TOP1MT: variants seen among roughly 807,000 people sequenced by gnomAD.
TOP1MT encodes DNA topoisomerase I mitochondrial.
In TOP1MT, 80 loss-of-function variants were observed where a neutral mutation model predicts 73.9. The observed-to-expected ratio is 1.08, with a 90% CI of 0.90 to 1.30. TOP1MT has a LOEUF of 1.30. TOP1MT is among the 50% of genes most tolerant of loss of function. TOP1MT has a pLI of 0.00. For missense variants in TOP1MT, 815 were observed against 808.0 expected (o/e 1.01, Z -0.10); for synonymous variants, 338 against 326.4 (o/e 1.04, Z -0.38).
chr8:143,334,921 C>T, upstream of TOP1MT: 1 of 1,298,634 alleles, frequency 7.7e-7, no homozygotes, highest in South Asian at 2.3e-5. Context: ...AGCCCCGCCC[C>T]GCCCCCAGCG....
chr8:143,342,646 A>G lies in TOP1MT; in HGVS notation c.29+574T>C, dbSNP rs372297205. 2.1e-3 allele frequency among the ~76,000 whole-genome samples: 40 copies of G among 19,314 alleles called. 3 individuals carry two copies. The highest frequency in any genetic ancestry group is 6.0e-3 in the African/African-American group (17 of 2,832). 12.7% of individuals were successfully genotyped at this position (19,314 alleles called of 152,430 possible). On this transcript the variant is annotated intron_variant, in intron 2 of 5. Coordinates refer to the TOP1MT transcript ENST00000518007. ...TTATTAGAGACAGTCTCGCTCTATTATTATTATTATTATTAGAGACAGTCT... is the reference window on the plus strand; with the variant it reads ...TTATTAGAGACAGTCTCGCTCTATTGTTATTATTATTATTAGAGACAGTCT...
chr8:143,331,560 G>A (rs6988238), intron 1 of TOP1MT, among the ~76,000 whole-genome samples: 6,271 of 152,262 alleles, frequency 0.041, 438 homozygotes, highest in African/African-American at 0.14. Flanking sequence ...AGAGGCCCGT[G>A]TGCTGCTGAG....
chr8:143,342,521 G>T, intron 2 of TOP1MT, among the ~76,000 whole-genome samples: 1 of 121,762 alleles, frequency 8.2e-6, no homozygotes, highest in East Asian at 2.5e-4. Context: ...ATTATTATTA[G>T]AGACAGAGTC....
At position 143,310,138 on chromosome 8, in the gene TOP1MT, C is replaced by T; in HGVS notation, c.1633G>A (p.Glu545Lys). ...AQLSVQATDK[E>K]ENKQVALGTS... is the part of the protein sequence containing the mutation. ...CCCAGGGCCACCTGCTTGTTCTCCT[C>T]CTTGTCCGTGGCCTGCACACTCAGC... The change falls in exon 13 of 14, where the codon GAG becomes AAG. Residue 545 changes from glutamate (E) to lysine (K), a missense_variant. Glu to Lys is a moderately conservative substitution (Grantham distance 56). Transcript: ENST00000329245. 1 of 1,613,456 alleles carries T rather than the reference C, an allele frequency of 6.2e-7. No individual in the cohort carries two copies. Among genetic ancestry groups the T allele is most frequent in the Non-Finnish European group, 8.5e-7 (1 of 1,179,860 alleles).
At chr8:143,345,895 G>C (rs1817212253), upstream of TOP1MT, among the ~76,000 whole-genome samples, 2 of 152,334 alleles carry the variant, frequency 1.3e-5, no homozygotes, top group South Asian at 2.1e-4. Context: ...GTCTGATTCT[G>C]CCCTATCAGC....
chr8:143,311,768 C>T (rs1443009697), intron 12 of TOP1MT, among the ~76,000 whole-genome samples: 1 of 150,858 alleles, frequency 6.6e-6, no homozygotes, highest in Non-Finnish European at 1.5e-5. Context: ...AAAAAAGAAC[C>T]GCAGCCACAA....
chr8:143,319,065 G>C (rs1198512717), intron 8 of TOP1MT, among the ~76,000 whole-genome samples: 1 of 152,108 alleles, frequency 6.6e-6, no homozygotes, highest in Non-Finnish European at 1.5e-5. Context: ...ACCACGGCAG[G>C]GGCACTGTGG....
chr8:143,317,628 C>T (rs913573825), intron 10 of TOP1MT, 95 bp downstream of exon 10: 1 of 1,121,344 alleles, frequency 8.9e-7, no homozygotes, highest in South Asian at 1.4e-5. Context: ...GCGGCCCCAC[C>T]CCGAGGCTCA....
chr8:143,342,330 GTTATTA>G (rs559697455), intron 2 of TOP1MT, among the ~76,000 whole-genome samples: 13 of 121,076 alleles, frequency 1.1e-4, no homozygotes, highest in East Asian at 2.1e-4. Flanking sequence ...GAGTCTCGCT[GTTATTA>G]TTATTATTAG....
At chr8:143,317,972 TG>T in intron 9 of TOP1MT, 45 bp downstream of exon 9, 2 of 1,609,238 alleles carry the variant, frequency 1.2e-6, no homozygotes, top group Non-Finnish European at 1.7e-6. Flanking sequence ...GCCCTCTCAC[TG>T]GGTCCTGCCG....
chr8:143,352,805 C>T (rs2130467588), intron 1 of TOP1MT, among the ~76,000 whole-genome samples: 1 of 152,262 alleles, frequency 6.6e-6, no homozygotes, highest in East Asian at 1.9e-4. Context: ...TTAAATTTTT[C>T]GTCAAGTCAC....
At chr8:143,310,916 G>A (rs938220290) in intron 12 of TOP1MT, among the ~76,000 whole-genome samples, 1 of 151,516 alleles carries the variant, frequency 6.6e-6, no homozygotes, top group East Asian at 1.9e-4. Context: ...GAGCCAGCAC[G>A]CACACACAGT....
upstream of TOP1MT, chr8:143,334,934 C>T: frequency 1.2e-5 from 15 of 1,253,066 alleles, no homozygotes; most frequent in Non-Finnish European, 1.5e-5. Context: ...CCCCAGCGGC[C>T]AGCCCCGCCC....
chr8:143,359,137 G>A (rs551691694), upstream of TOP1MT: 9 of 814,992 alleles, frequency 1.1e-5, no homozygotes, highest in African/African-American at 7.5e-5. Context: ...CCACCGCACC[G>A]GCCCTTAAGT....
chr8:143,316,694 A>C (rs1257855815), intron 10 of TOP1MT, among the ~76,000 whole-genome samples: 2 of 152,040 alleles, frequency 1.3e-5, no homozygotes, highest in African/African-American at 4.8e-5. Flanking sequence ...TCAAGGTACC[A>C]CGTTGTCTCC....
upstream of TOP1MT, among the ~76,000 whole-genome samples, chr8:143,338,239 C>G (rs2087218): frequency 0.12 from 18,183 of 152,114 alleles, 3,647 homozygotes; most frequent in African/African-American, 0.41. Flanking sequence ...CTACTGCACT[C>G]CAGCCTGAAC....
At chr8:143,319,781 C>G (rs1179954571) in intron 8 of TOP1MT, among the ~76,000 whole-genome samples, 25 of 151,850 alleles carry the variant, frequency 1.6e-4, no homozygotes, top group Non-Finnish European at 2.9e-5. Flanking sequence ...AAAAGTGTTC[C>G]CGAAATTCAT....
chr8:143,351,444 C>A (rs998683218), intron 1 of TOP1MT, among the ~76,000 whole-genome samples: 3 of 151,980 alleles, frequency 2.0e-5, no homozygotes, highest in Non-Finnish European at 4.4e-5. Context: ...AAGAGTGACG[C>A]ATGCCTGTAA....
chr8:143,345,001 A>C (rs1817195673), upstream of TOP1MT: 1 of 152,226 alleles, frequency 6.6e-6, no homozygotes, highest in African/African-American at 2.4e-5. Flanking sequence ...AAAAATCAGA[A>C]GGAAGGAAAC....
Sources: gnomAD v4.1 joint callset for allele counts (sites outside exome capture counted in the v4.1 genomes callset) on GRCh38, gnomAD v4.1.1 for gene constraint, MANE v1.5 for transcripts, NCBI Gene and HGNC (gene_info 2026-07-23, HGNC 2026-07-21) for gene names.